The following GPR158 variants were observed in gnomAD, a reference collection of about 807,000 sequenced individuals.
GPR158 encodes the protein metabotropic glycine receptor.
Under a neutral mutation model 78.2 loss-of-function variants are expected in GPR158, and 30 were observed. That is an observed-to-expected ratio of 0.38 (90% confidence interval 0.29 to 0.52). The LOEUF (loss-of-function observed/expected upper bound fraction) is 0.52, where lower values mean the gene tolerates loss of function less well. GPR158 is among the 20% of genes least tolerant of loss of function. The probability of loss-of-function intolerance (pLI) is 0.83; values close to 1 mark genes in which losing one functional copy is unlikely to be tolerated. For missense variants in GPR158, 1,463 were observed against 1,523.5 expected, an observed-to-expected ratio of 0.96 and a Z score of 0.66; for synonymous variants, 581 against 591.1, an observed-to-expected ratio of 0.98 and a Z score of 0.25.
chr10:25,417,151 A>G (rs1329720618), intron 4 of GPR158, among the ~76,000 whole-genome samples: 2 of 152,222 alleles, frequency 1.3e-5, no homozygotes, highest in East Asian at 1.9e-4. Context: ...TATGTAGACA[A>G]TAGTGTAAAA....
At chr10:25,366,970 T>C (rs1855733448) in intron 2 of GPR158, among the ~76,000 whole-genome samples, 1 of 151,740 alleles carries the variant, frequency 6.6e-6, no homozygotes, top group African/African-American at 2.4e-5. Context: ...CCTTGTTTAA[T>C]TTGAGATACT....
intron 1 of GPR158, among the ~76,000 whole-genome samples, chr10:25,204,818 G>GGT (rs1483084808): frequency 5.0e-5 from 6 of 118,966 alleles, no homozygotes; most frequent in African/African-American, 2.0e-4. Context: ...GTCTCTGAGG[G>GGT]TTTTTTTTTT....
intron 2 of GPR158, among the ~76,000 whole-genome samples, chr10:25,317,726 G>GTTTT (rs796945422): frequency 7.1e-6 from 1 of 140,138 alleles, no homozygotes; most frequent in African/African-American, 2.9e-5. Context: ...GTTTTTTTTT[G>GTTTT]TTTTGTTTTG....
At chr10:25,434,691 GT>G (rs1160805119) in intron 4 of GPR158, among the ~76,000 whole-genome samples, 1 of 152,212 alleles carries the variant, frequency 6.6e-6, no homozygotes, top group Non-Finnish European at 1.5e-5. Context: ...AGCACAGTGT[GT>G]TGAGAATAGT....
chr10:25,343,940 G>A (rs1564427706), intron 2 of GPR158, among the ~76,000 whole-genome samples: 3 of 151,894 alleles, frequency 2.0e-5, no homozygotes, highest in East Asian at 3.9e-4. Flanking sequence ...AGATCATTAG[G>A]CATATTAGAG....
intron 2 of GPR158, among the ~76,000 whole-genome samples, chr10:25,354,239 C>T (rs538044265): frequency 1.3e-5 from 2 of 151,862 alleles, no homozygotes; most frequent in Non-Finnish European, 2.9e-5. Flanking sequence ...CCTGTAATCC[C>T]AGCCTCCTAG....
chr10:25,501,796 C>A (rs919470576), intron 5 of GPR158, among the ~76,000 whole-genome samples: 1 of 152,176 alleles, frequency 6.6e-6, no homozygotes, highest in Non-Finnish European at 1.5e-5. Context: ...TGAGGGAAAT[C>A]ATAGTTTCCA....
In GPR158 at chr10:25,432,416, G is replaced by A. The variant is rs532431255; in HGVS notation, c.1335+19943G>A. ...GTAATAGAATTAAAAGTGCATGGTCGTTTCAATTCTAGAAGTCTGTACTAA... is the reference window on the plus strand; with the variant it reads ...GTAATAGAATTAAAAGTGCATGGTCATTTCAATTCTAGAAGTCTGTACTAA... On this transcript the variant is annotated intron_variant, in intron 4 of 10. Transcript: ENST00000376351. Among the ~76,000 whole-genome samples, 26 of 152,224 alleles carry A rather than the reference G, an allele frequency of 1.7e-4. No individual in the cohort carries two copies. The South Asian group carries it at 3.3e-3, about 19-fold the overall frequency.
intron 2 of GPR158, among the ~76,000 whole-genome samples, chr10:25,365,669 A>G (rs1000093664): frequency 6.6e-6 from 1 of 151,720 alleles, no homozygotes; most frequent in East Asian, 1.9e-4. Context: ...AAAAAATACA[A>G]TTTCTTTGAC....
In GPR158 at chr10:25,473,172, T is replaced by C. The variant is rs560126707; in HGVS notation, c.1404+6453T>C. ...GAGAGTTTTTAGCATGAACGGTTGTTGAATTTTGTCAAAGGCCTTTTCTGC... is the reference window on the plus strand; with the variant it reads ...GAGAGTTTTTAGCATGAACGGTTGTCGAATTTTGTCAAAGGCCTTTTCTGC... On this transcript the variant is annotated intron_variant, in intron 5 of 10. Transcript: ENST00000376351. 3.3e-5 allele frequency among the ~76,000 whole-genome samples: 5 copies of C among 151,664 alleles called. No homozygotes were observed. The East Asian group carries it at 9.7e-4, about 29-fold the overall frequency.
intron 5 of GPR158, among the ~76,000 whole-genome samples, chr10:25,510,499 T>C (rs983074675): frequency 4.6e-5 from 7 of 152,218 alleles, no homozygotes; most frequent in African/African-American, 1.7e-4. Flanking sequence ...TCTAATTGTT[T>C]AGATGAATTG....
intron 2 of GPR158, among the ~76,000 whole-genome samples, chr10:25,378,749 C>G (rs1352244014): frequency 6.6e-6 from 1 of 152,060 alleles, no homozygotes; most frequent in Non-Finnish European, 1.5e-5. Context: ...AGTAAGATAT[C>G]AGCACCATTT....
intron 2 of GPR158, among the ~76,000 whole-genome samples, chr10:25,238,033 A>T (rs868529555): frequency 1.5e-4 from 22 of 151,322 alleles, no homozygotes; most frequent in South Asian, 8.3e-4. Flanking sequence ...TTCCTTTTTT[A>T]AAAAAATTCT....
intron 2 of GPR158, chr10:25,393,604 T>A (rs1271596533): frequency 6.6e-6 from 1 of 152,212 alleles, no homozygotes; most frequent in Non-Finnish European, 1.5e-5. Context: ...TGGATCTATT[T>A]CCTGATAGTA....
intron 3 of GPR158, among the ~76,000 whole-genome samples, chr10:25,403,570 T>C (rs1456622393): frequency 6.6e-6 from 1 of 152,066 alleles, no homozygotes; most frequent in Non-Finnish European, 1.5e-5. Flanking sequence ...GCAAGGCAGA[T>C]TGGCATTCTG....
At chr10:25,391,073 G>T (rs545345335) in intron 2 of GPR158, among the ~76,000 whole-genome samples, 6 of 152,222 alleles carry the variant, frequency 3.9e-5, no homozygotes, top group Non-Finnish European at 5.9e-5. Context: ...GGGCCTGTGG[G>T]TGCACAGAAG....
intron 5 of GPR158, among the ~76,000 whole-genome samples, chr10:25,513,030 T>C (rs554817796): frequency 6.6e-6 from 1 of 152,214 alleles, no homozygotes; most frequent in South Asian, 2.1e-4. Context: ...TGGAATTAGG[T>C]TGATATTGGC....
chr10:25,243,663 A>C (rs112987740), intron 2 of GPR158, among the ~76,000 whole-genome samples: 2,564 of 152,292 alleles, frequency 0.017, 58 homozygotes, highest in African/African-American at 0.049. Flanking sequence ...CAGCACATAC[A>C]ATTTTATTTA....
intron 2 of GPR158, among the ~76,000 whole-genome samples, chr10:25,322,620 T>G (rs1854968955): frequency 6.6e-6 from 1 of 152,214 alleles, no homozygotes; most frequent in African/African-American, 2.4e-5. Context: ...TTGCCTAGAT[T>G]CATAAGAGGA....
Sources: gnomAD v4.1 joint callset for allele counts (sites outside exome capture counted in the v4.1 genomes callset) on GRCh38, gnomAD v4.1.1 for gene constraint, MANE v1.5 for transcripts, NCBI Gene and HGNC (gene_info 2026-07-23, HGNC 2026-07-21) for gene names.